The following LARGE1 variants were observed in gnomAD, a reference collection of about 807,000 sequenced individuals.
LARGE1 encodes the protein xylosyl- and glucuronyltransferase LARGE1.
LARGE1 carries 43 observed loss-of-function variants against 87.6 expected under a neutral mutation model. That is an observed-to-expected ratio of 0.49 (90% CI 0.38 to 0.63). LARGE1 has a LOEUF of 0.63. LARGE1 is among the 30% of genes least tolerant of loss of function. LARGE1 has a pLI of 0.00. For missense variants in LARGE1, 802 were observed against 1,000.2 expected (o/e 0.80, Z 2.67); for synonymous variants, 434 against 394.6 (o/e 1.10, Z -1.18).
At chr22:33,553,254 C>A (rs899990890) in intron 6 of LARGE1, among the ~76,000 whole-genome samples, 1 of 152,080 alleles carries the variant, frequency 6.6e-6, no homozygotes, top group Non-Finnish European at 1.5e-5. Context: ...GCCTGTAATC[C>A]CAGCACTTTG....
rs776201139 is a variant in LARGE1 at position 33,564,834 on chromosome 22, T to A, written c.787+14A>T. ...ACAAGGATATCGGGGAAAAAACGAA[T>A]GGGCTACCATTACCTTTGAACTTGT... On this transcript the variant is annotated intron_variant, in intron 6 of 14. Coordinates refer to ENST00000397394, the MANE Select transcript of LARGE1 (RefSeq NM_133642.5). 18 of 1,613,876 alleles carry A rather than the reference T, an allele frequency of 1.1e-5. No homozygotes were observed. The highest frequency in any genetic ancestry group is 2.7e-5 in the African/African-American group (2 of 74,894).
Position 33,288,063 on chromosome 22 carries a change from T to C in LARGE1, c.1731-4715A>G, listed in dbSNP as rs140270318. On this transcript the variant is annotated intron_variant, in intron 12 of 14. Transcript: ENST00000397394. ...GGCCTGGCACACATTAAGCACGGGG[T>C]ACATGATGCCTATGATGGTTCCCTT... 7.3e-4 allele frequency among the ~76,000 whole-genome samples: 111 copies of C among 152,236 alleles called. 1 individual carries two copies. Among genetic ancestry groups the C allele is most frequent in the African/African-American group, 2.6e-3 (108 of 41,532 alleles).
chr22:33,208,673 T>G (rs906128675), intron 11 of LARGE1, among the ~76,000 whole-genome samples: 9 of 152,130 alleles, frequency 5.9e-5, no homozygotes, highest in Non-Finnish European at 1.2e-4. Context: ...GCTGCACCCA[T>G]CAACCTGTCA....
At chr22:33,636,099 T>G (rs141399361) in intron 3 of LARGE1, among the ~76,000 whole-genome samples, 4 of 152,320 alleles carry the variant, frequency 2.6e-5, no homozygotes, top group Non-Finnish European at 5.9e-5. Context: ...GCTTTAGGAT[T>G]GACTTTCTTG....
At chr22:33,117,900 G>T in the LARGE1 span, among the ~76,000 whole-genome samples, 3 of 152,160 alleles carry the variant, frequency 2.0e-5, no homozygotes, top group Admixed American at 2.0e-4. Flanking sequence ...GAAGGGCTGT[G>T]TCCTGAGAAT....
chr22:33,098,886 A>G, the LARGE1 span, among the ~76,000 whole-genome samples: 1 of 152,246 alleles, frequency 6.6e-6, no homozygotes, highest in Non-Finnish European at 1.5e-5. Context: ...TCACACTGTT[A>G]GTTTCCCCAT....
At chr22:33,439,727 C>T (rs2067401471) in intron 6 of LARGE1, among the ~76,000 whole-genome samples, 1 of 152,190 alleles carries the variant, frequency 6.6e-6, no homozygotes, top group Admixed American at 6.5e-5. Flanking sequence ...CCACCATCTT[C>T]TTAGGTGATT....
At position 33,305,508 on chromosome 22, in the gene LARGE1, C is replaced by G. The variant is rs192942505; in HGVS notation, c.1452-1001G>C. ...ATCTATGGCTAAGAAACAGCAAAAG[C>G]CTACTTGAATTGTTTTTCCTTACCC... On this transcript the variant is annotated intron_variant, in intron 11 of 14. Coordinates refer to ENST00000397394, the MANE Select transcript of LARGE1 (RefSeq NM_133642.5). 7,148 of 819,096 alleles carry G rather than the reference C, an allele frequency of 8.7e-3. 40 individuals are homozygous for G. The highest frequency in any genetic ancestry group is 0.018 in the South Asian group (322 of 18,006). The allele number at this position is 819,096 out of a possible 1,614,324, so 50.7% of individuals were successfully genotyped here.
At chr22:33,302,238 C>A (rs1934246214) in intron 12 of LARGE1, among the ~76,000 whole-genome samples, 1 of 152,194 alleles carries the variant, frequency 6.6e-6, no homozygotes, top group Non-Finnish European at 1.5e-5. Context: ...ATTCTAAGAC[C>A]CAGCAGGCAC....
chr22:33,676,372 CAAAAAAAA>C (rs10567981), intron 2 of LARGE1, among the ~76,000 whole-genome samples: 38 of 16,292 alleles, frequency 2.3e-3, no homozygotes, highest in African/African-American at 5.3e-3. Context: ...GATTCAATGG[CAAAAAAAA>C]AAAAAAAAAA....
chr22:33,565,491 CTTATGCTTA>C (rs1404501835), intron 5 of LARGE1, among the ~76,000 whole-genome samples: 1 of 152,174 alleles, frequency 6.6e-6, no homozygotes, highest in Non-Finnish European at 1.5e-5. Flanking sequence ...ATTGTTAAAG[CTTATGCTTA>C]TTCTTTTAAA....
intron 2 of LARGE1, among the ~76,000 whole-genome samples, chr22:33,697,217 C>T (rs929470386): frequency 1.2e-4 from 18 of 152,006 alleles, no homozygotes; most frequent in Admixed American, 6.6e-5. Flanking sequence ...GAGTCCAGTC[C>T]CAAACTTCTC....
intron 9 of LARGE1, among the ~76,000 whole-genome samples, chr22:33,370,995 G>A (rs1235683406): frequency 1.3e-5 from 2 of 149,938 alleles, no homozygotes; most frequent in East Asian, 1.9e-4. Context: ...TCTAAGAAAT[G>A]TAAAATAAAA....
At chr22:33,280,448 A>T (rs1427490487) in intron 13 of LARGE1, among the ~76,000 whole-genome samples, 1 of 151,890 alleles carries the variant, frequency 6.6e-6, no homozygotes, top group Admixed American at 6.6e-5. Flanking sequence ...TTGGTCATCC[A>T]CCTTTAGAAT....
chr22:33,652,526 G>A (rs2080850749), intron 2 of LARGE1, among the ~76,000 whole-genome samples: 1 of 104,704 alleles, frequency 9.6e-6, no homozygotes, highest in South Asian at 3.6e-4. Flanking sequence ...CAGAAATCCT[G>A]GGCTCCAGCT....
At chr22:33,687,776 T>C (rs1346765156) in intron 2 of LARGE1, among the ~76,000 whole-genome samples, 1 of 152,218 alleles carries the variant, frequency 6.6e-6, no homozygotes, top group Non-Finnish European at 1.5e-5. Flanking sequence ...GAGAACCTGC[T>C]GTTCACCAGG....
rs528608172 is a variant in LARGE1, at chr22:33,299,316, G to A, written c.1730+4913C>T. 6.6e-5 allele frequency among the ~76,000 whole-genome samples: 10 copies of A among 152,120 alleles called. No individual in the cohort carries two copies. In the East Asian group the frequency reaches 1.7e-3, roughly 27 times the overall value. ...AGGAAGGGAAGGAAAGGAGTGGAGG[G>A]GAGGGGAAAAGAGGGAAGGGAAAGG... On this transcript the variant is annotated intron_variant, in intron 12 of 14. Coordinates refer to ENST00000397394, the MANE Select transcript of LARGE1 (RefSeq NM_133642.5).
the LARGE1 span, among the ~76,000 whole-genome samples, chr22:33,077,866 A>T: frequency 1.3e-5 from 2 of 151,798 alleles, no homozygotes; most frequent in African/African-American, 4.8e-5. Flanking sequence ...TTTACATTTC[A>T]CTTATACACT....
chr22:33,474,910 G>C, intron 6 of LARGE1, among the ~76,000 whole-genome samples: 1 of 152,274 alleles, frequency 6.6e-6, no homozygotes, highest in Non-Finnish European at 1.5e-5. Context: ...TTGTTCAGGG[G>C]ATAACTGGCT....
Sources: allele counts gnomAD v4.1 joint callset (sites outside exome capture counted in the v4.1 genomes callset), GRCh38; gene constraint gnomAD v4.1.1; transcripts MANE v1.5; gene names NCBI Gene and HGNC (gene_info 2026-07-23, HGNC 2026-07-21).